The following ALKBH3 variants were observed in gnomAD, a reference collection of about 807,000 sequenced individuals.
ALKBH3 encodes the protein alpha-ketoglutarate-dependent dioxygenase alkB homolog 3.
In ALKBH3, 51 loss-of-function variants were observed where a neutral mutation model predicts 43.9. The ratio of observed to expected loss-of-function variants is 1.16; its 90% CI spans 0.93 to 1.47. ALKBH3 has a LOEUF of 1.47. Ranked by LOEUF, ALKBH3 falls within the 40% of genes most tolerant of loss-of-function variation. ALKBH3 has a pLI of 0.00. For synonymous variants in ALKBH3, 102 were observed against 115.2 expected (o/e 0.89, Z 0.73); for missense variants, 361 against 351.9 (o/e 1.03, Z -0.21).
chr11:43,906,228 C>T (rs1318798489), intron 8 of ALKBH3, among the ~76,000 whole-genome samples: 3 of 152,106 alleles, frequency 2.0e-5, no homozygotes, highest in East Asian at 1.9e-4. Context: ...TATGAGAGCA[C>T]CCAATGAATT....
intron 8 of ALKBH3, among the ~76,000 whole-genome samples, chr11:43,915,534 T>C (rs1030062583): frequency 5.3e-5 from 8 of 152,128 alleles, no homozygotes; most frequent in African/African-American, 1.9e-4. Context: ...ATTTTCCCTC[T>C]TTTTAAAAAA....
intron 7 of ALKBH3, among the ~76,000 whole-genome samples, chr11:43,899,846 C>T (rs1213689537): frequency 7.5e-6 from 1 of 133,982 alleles, no homozygotes; most frequent in African/African-American, 2.8e-5. Flanking sequence ...GTTTCTATAC[C>T]AATTAAAAGA....
rs765641506 is a variant in ALKBH3 at position 43,882,629 on chromosome 11, G to A, written c.-24G>A. On this transcript the variant is annotated 5_prime_UTR_variant, in exon 2 of 10. Transcript: ENST00000302708. ...CAGGAACAAAATCTTCTGAAAGCTC[G>A]GAGCAGAAGCCTTTTTGGTCAACAT... The A allele has an allele frequency of 1.1e-5, 17 of 1,602,736 alleles. No homozygotes were observed. The highest frequency in any genetic ancestry group is 2.7e-5 in the African/African-American group (2 of 74,000).
chr11:43,883,047 T>G (rs748210416), intron 2 of ALKBH3, 38 bp from the exon 3 acceptor site: 3 of 1,563,462 alleles, frequency 1.9e-6, no homozygotes, highest in African/African-American at 1.4e-5. Flanking sequence ...GAGAACAGAC[T>G]TTCCCCTGGT....
At chr11:43,899,853 A>G (rs1299850593) in intron 7 of ALKBH3, among the ~76,000 whole-genome samples, 3 of 150,110 alleles carry the variant, frequency 2.0e-5, no homozygotes, top group Non-Finnish European at 4.4e-5. Flanking sequence ...TACCAATTAA[A>G]AGATTGACGT....
At chr11:43,912,374 T>A (rs1951946858) in intron 8 of ALKBH3, 1 of 152,248 alleles carries the variant, frequency 6.6e-6, no homozygotes, top group East Asian at 1.9e-4. Flanking sequence ...CCCCGAGGCT[T>A]GCTCTCCAAC....
At chr11:43,908,544 G>GA (rs1294150041) in intron 8 of ALKBH3, among the ~76,000 whole-genome samples, 115 of 152,300 alleles carry the variant, frequency 7.6e-4, no homozygotes, top group Non-Finnish European at 1.4e-3. Context: ...CAAGATAGCA[G>GA]TTCTTTTAAG....
intron 7 of ALKBH3, chr11:43,898,974 C>T: frequency 1.3e-6 from 1 of 752,508 alleles, no homozygotes; most frequent in Non-Finnish European, 2.5e-6. Flanking sequence ...GAATGAAGAC[C>T]TCAAGCTCTG....
chr11:43,904,495 C>A (rs561628406), intron 8 of ALKBH3, among the ~76,000 whole-genome samples: 13 of 152,284 alleles, frequency 8.5e-5, no homozygotes, highest in African/African-American at 2.9e-4. Flanking sequence ...TAAAAAGTGA[C>A]CTTTTTTCCC....
chr11:43,887,304 A>T (rs1365344583), intron 5 of ALKBH3, among the ~76,000 whole-genome samples: 1 of 152,056 alleles, frequency 6.6e-6, no homozygotes, highest in African/African-American at 2.4e-5. Context: ...ACCTAGGAAG[A>T]TTGAATATTT....
intron 8 of ALKBH3, among the ~76,000 whole-genome samples, chr11:43,911,486 G>A (rs749166895): frequency 1.3e-5 from 2 of 152,140 alleles, no homozygotes; most frequent in Non-Finnish European, 2.9e-5. Flanking sequence ...GTAGGCAGTC[G>A]ACTGTGTAAG....
intron 2 of ALKBH3, 68 bp downstream of exon 2, chr11:43,882,799 CT>C: frequency 6.8e-7 from 1 of 1,461,828 alleles, no homozygotes; most frequent in Non-Finnish European, 9.3e-7. Flanking sequence ...TATTTATATC[CT>C]TTTGGTTTAT....
intron 7 of ALKBH3, among the ~76,000 whole-genome samples, chr11:43,896,874 A>AGATTTATT (rs1422924004): frequency 6.6e-6 from 1 of 152,228 alleles, no homozygotes; most frequent in African/African-American, 2.4e-5. Flanking sequence ...ACAAAACCAT[A>AGATTTATT]CAAGGTTAAA....
rs936525785 is a variant in ALKBH3, at chr11:43,880,905, G to C, written c.-345G>C. 15 of 152,616 alleles carry C rather than the reference G, an allele frequency of 9.8e-5. No individual in the cohort carries two copies. The highest frequency in any genetic ancestry group is 6.2e-4 in the South Asian group (3 of 4,844). The allele number at this position is 152,616 out of a possible 1,614,324, so 9.5% of individuals were successfully genotyped here. On this transcript the variant is annotated 5_prime_UTR_variant, in exon 1 of 10. Transcript: ENST00000302708. ...GGCTGCCCCAAGTCCTACCGGGTTTGCACGGGCGCGCCCGGCTCCGCCCGC... is the reference window on the plus strand; with the variant it reads ...GGCTGCCCCAAGTCCTACCGGGTTTCCACGGGCGCGCCCGGCTCCGCCCGC...
chr11:43,903,997 CAT>C (rs1178652690), intron 8 of ALKBH3, among the ~76,000 whole-genome samples: 1 of 152,104 alleles, frequency 6.6e-6, no homozygotes, highest in Non-Finnish European at 1.5e-5. Context: ...TATAGGGTAA[CAT>C]GTAGATGGAG....
chr11:43,901,813 T>C, intron 8 of ALKBH3, 88 bp downstream of exon 8: 1 of 1,451,840 alleles, frequency 6.9e-7, no homozygotes, highest in African/African-American at 1.4e-5. Context: ...CTTTCAGATT[T>C]CGAGCATGGG....
intron 8 of ALKBH3, among the ~76,000 whole-genome samples, chr11:43,908,030 C>T (rs964314889): frequency 6.6e-6 from 1 of 152,242 alleles, no homozygotes; most frequent in East Asian, 1.9e-4. Flanking sequence ...GGCATGAGCT[C>T]AGAGGAACAG....
intron 7 of ALKBH3, among the ~76,000 whole-genome samples, chr11:43,894,217 C>T (rs1437630990): frequency 1.3e-5 from 2 of 152,170 alleles, no homozygotes; most frequent in East Asian, 3.9e-4. Flanking sequence ...CCTTGACTGG[C>T]TGGGAGTCCC....
intron 8 of ALKBH3, 109 bp from the exon 9 acceptor site, chr11:43,918,929 C>A: frequency 1.2e-6 from 1 of 818,266 alleles, no homozygotes; most frequent in Non-Finnish European, 2.0e-6. Flanking sequence ...ATATGGATTC[C>A]CACAGTCTGG....
Sources: allele counts gnomAD v4.1 joint callset (sites outside exome capture counted in the v4.1 genomes callset), GRCh38; gene constraint gnomAD v4.1.1; transcripts MANE v1.5; gene names NCBI Gene and HGNC (gene_info 2026-07-23, HGNC 2026-07-21).